EYA2: variants seen among roughly 807,000 people sequenced by gnomAD.
EYA2 encodes EYA transcriptional coactivator and phosphatase 2.
Under a neutral mutation model 69.2 loss-of-function variants are expected in EYA2, and 31 were observed. The ratio of observed to expected loss-of-function variants is 0.45; its 90% confidence interval spans 0.34 to 0.60. EYA2 has a LOEUF of 0.60. Among genes scored for constraint, EYA2 ranks in the 20% least tolerant of loss-of-function variants. The probability of loss-of-function intolerance (pLI) is 0.02; values close to 1 mark genes in which losing one functional copy is unlikely to be tolerated. For synonymous variants in EYA2, 257 were observed against 279.4 expected, an observed-to-expected ratio of 0.92 and a Z score of 0.80; for missense variants, 622 against 701.2, an observed-to-expected ratio of 0.89 and a Z score of 1.28.
chr20:47,157,227 C>T (rs1399495542), intron 10 of EYA2, among the ~76,000 whole-genome samples: 6 of 151,406 alleles, frequency 4.0e-5, no homozygotes, highest in South Asian at 4.3e-4. Flanking sequence ...TAGTGGTGCA[C>T]GCTGTAGTCC....
At chr20:46,919,728 A>C (rs945020720) in intron 1 of EYA2, among the ~76,000 whole-genome samples, 1 of 152,158 alleles carries the variant, frequency 6.6e-6, no homozygotes, top group Non-Finnish European at 1.5e-5. Flanking sequence ...TTCCTTCAAA[A>C]ATTTTTCCTT....
chr20:46,998,271 C>CT (rs1982149773), intron 2 of EYA2: 2 of 152,360 alleles, frequency 1.3e-5, no homozygotes, highest in African/African-American at 4.8e-5. Context: ...ATGCGGGCAC[C>CT]TGGGGGGTCA....
chr20:47,152,019 C>T (rs913739266), intron 10 of EYA2, among the ~76,000 whole-genome samples: 1 of 152,016 alleles, frequency 6.6e-6, no homozygotes, highest in Non-Finnish European at 1.5e-5. Context: ...AGGTTAACGT[C>T]GTCCATACAA....
intron 9 of EYA2, among the ~76,000 whole-genome samples, chr20:47,101,257 A>G (rs1384425076): frequency 2.0e-5 from 3 of 152,088 alleles, no homozygotes; most frequent in East Asian, 3.9e-4. Context: ...GCTAATTTTT[A>G]AAAGTTTTTT....
chr20:47,116,615 A>G (rs888516073), intron 9 of EYA2, among the ~76,000 whole-genome samples: 1 of 152,194 alleles, frequency 6.6e-6, no homozygotes, highest in East Asian at 1.9e-4. Flanking sequence ...GACCCTCTGC[A>G]GTGCGTTGGG....
intron 11 of EYA2, 47 bp downstream of exon 11, chr20:47,169,244 T>G: frequency 6.4e-7 from 1 of 1,556,790 alleles, no homozygotes; most frequent in Non-Finnish European, 8.9e-7. Context: ...ATTGATTGAT[T>G]ATCAAGTTAT....
chr20:47,074,087 C>T (rs2031418207), intron 6 of EYA2, 71 bp from the exon 7 acceptor site: 6 of 1,419,434 alleles, frequency 4.2e-6, no homozygotes, highest in African/African-American at 2.8e-5. Flanking sequence ...ACAGAGTGGC[C>T]AGGCTGACCA....
At chr20:46,936,589 C>T (rs1985918368) in intron 1 of EYA2, among the ~76,000 whole-genome samples, 1 of 152,150 alleles carries the variant, frequency 6.6e-6, no homozygotes, top group Non-Finnish European at 1.5e-5. Context: ...AAAAGGGCCA[C>T]CATTTCCTCC....
Position 47,138,004 on chromosome 20 carries a change from G to T in EYA2, c.889-5055G>T, listed in dbSNP as rs192658247. 2.0e-5 allele frequency among the ~76,000 whole-genome samples: 3 copies of T among 148,956 alleles called. No homozygotes were observed. In the Admixed American group the frequency reaches 2.0e-4, roughly 10 times the overall value. On this transcript the variant is annotated intron_variant, in intron 9 of 15. Transcript: ENST00000327619. ...GGGACTGTTGTGGGGTGTGGGGAGG[G>T]GGGAGGGATAGCTTTAGGAGATATA... is the stretch of plus-strand genomic sequence containing the variant.
intron 9 of EYA2, among the ~76,000 whole-genome samples, chr20:47,103,789 G>A (rs923544839): frequency 1.3e-5 from 2 of 152,112 alleles, no homozygotes; most frequent in African/African-American, 4.8e-5. Context: ...GATTTGGGTG[G>A]GGACACAGAG....
chr20:47,076,976 TCTC>T (rs1234990730), intron 7 of EYA2, among the ~76,000 whole-genome samples: 1 of 152,072 alleles, frequency 6.6e-6, no homozygotes, highest in African/African-American at 2.4e-5. Context: ...CCCAAACCAA[TCTC>T]TGTGGTCAGT....
At chr20:47,081,770 C>T (rs368180210) in intron 7 of EYA2, among the ~76,000 whole-genome samples, 1 of 112,954 alleles carries the variant, frequency 8.9e-6, no homozygotes, top group Non-Finnish European at 1.9e-5. Flanking sequence ...CAAAGCGAGA[C>T]CTTGTCTCAA....
intron 4 of EYA2, among the ~76,000 whole-genome samples, chr20:47,005,863 G>A (rs1252581742): frequency 6.6e-6 from 1 of 152,190 alleles, no homozygotes; most frequent in African/African-American, 2.4e-5. Flanking sequence ...CTTGAGTCAT[G>A]CTATTCCCTC....
intron 5 of EYA2, among the ~76,000 whole-genome samples, chr20:47,024,144 A>G (rs537548532): frequency 6.6e-6 from 1 of 152,310 alleles, no homozygotes; most frequent in Non-Finnish European, 1.5e-5. Flanking sequence ...ATAAGTTTCA[A>G]TTGGATGCCA....
intron 9 of EYA2, among the ~76,000 whole-genome samples, chr20:47,130,363 C>T (rs1320277925): frequency 2.1e-5 from 3 of 145,910 alleles, no homozygotes; most frequent in Non-Finnish European, 4.5e-5. Flanking sequence ...CTCCCAGGTT[C>T]ACGCCATTCT....
Position 47,089,475 on chromosome 20 carries a change from G to A in EYA2, c.804+94G>A, listed in dbSNP as rs559092130. The A allele has an allele frequency of 9.7e-5, 135 of 1,398,816 alleles. No individual in the cohort carries two copies. The East Asian group carries it at 2.8e-3, about 29-fold the overall frequency. The allele number at this position is 1,398,816 out of a possible 1,614,324, so 86.7% of individuals were successfully genotyped here. A position where few individuals can be genotyped will look rare whatever the true frequency, so the allele number is the denominator to read the frequency against. ...ACAGAGTTTTCTCCAAGTACGAGGCGGAGAATCGCCCTTCGTGTTTTACAA... is the reference window on the plus strand; with the variant it reads ...ACAGAGTTTTCTCCAAGTACGAGGCAGAGAATCGCCCTTCGTGTTTTACAA... On this transcript the variant is annotated intron_variant, in intron 8 of 15. Coordinates refer to ENST00000327619, the MANE Select transcript of EYA2 (RefSeq NM_005244.5).
chr20:47,102,228 C>T lies in EYA2; in HGVS notation c.888+5060C>T, dbSNP rs1330599937. ...CTTCTAGGCGTTAATGCCAATGTCC[C>T]AAACTGGGTCACATGCCCATCCATA... On this transcript the variant is annotated intron_variant, in intron 9 of 15. Transcript: ENST00000327619. Among the ~76,000 whole-genome samples, 3 of 152,340 alleles carry T rather than the reference C, an allele frequency of 2.0e-5. No individual in the cohort carries two copies. In the East Asian group the frequency reaches 5.8e-4, roughly 29 times the overall value.
chr20:46,932,424 G>A (rs1291739909), intron 1 of EYA2, among the ~76,000 whole-genome samples: 1 of 152,188 alleles, frequency 6.6e-6, no homozygotes, highest in Non-Finnish European at 1.5e-5. Context: ...TAGGTGAGGG[G>A]TGATATGGTT....
At chr20:46,922,632 A>G (rs971439512) in intron 1 of EYA2, among the ~76,000 whole-genome samples, 3 of 152,228 alleles carry the variant, frequency 2.0e-5, no homozygotes, top group Non-Finnish European at 4.4e-5. Flanking sequence ...CTTACAGTCG[A>G]ATGCCGAGGA....
Sources: allele counts gnomAD v4.1 joint callset (sites outside exome capture counted in the v4.1 genomes callset), GRCh38; gene constraint gnomAD v4.1.1; transcripts MANE v1.5; gene names NCBI Gene and HGNC (gene_info 2026-07-23, HGNC 2026-07-21).